TNR: variants seen among roughly 807,000 people sequenced by gnomAD.
TNR encodes tenascin-R.
In TNR, 45 loss-of-function variants were observed where a neutral mutation model predicts 150.4. The observed-to-expected ratio is 0.30, with a 90% CI of 0.24 to 0.38. The LOEUF is 0.38. Among genes scored for constraint, TNR ranks in the 10% least tolerant of loss-of-function variants. The pLI is 1.00. For synonymous variants in TNR, 687 were observed against 678.4 expected (o/e 1.01, Z -0.20); for missense variants, 1,544 against 1,759.1 (o/e 0.88, Z 2.19).
chr1:175,621,836 A>C (rs1558041308), intron 1 of TNR, among the ~76,000 whole-genome samples: 1 of 152,244 alleles, frequency 6.6e-6, no homozygotes, highest in Non-Finnish European at 1.5e-5. Context: ...CTACTTGATT[A>C]TAAGCACCAT....
At chr1:175,678,682 T>C (rs919975079) in intron 1 of TNR, among the ~76,000 whole-genome samples, 9 of 152,026 alleles carry the variant, frequency 5.9e-5, no homozygotes, top group African/African-American at 2.2e-4. Context: ...AAAGACAAAG[T>C]CCAGAGGCAG....
At chr1:175,730,813 G>A (rs1272548928) in intron 1 of TNR, among the ~76,000 whole-genome samples, 2 of 152,104 alleles carry the variant, frequency 1.3e-5, no homozygotes, top group East Asian at 3.8e-4. Flanking sequence ...TACTATGGTG[G>A]GCTTCTCTGT....
At chr1:175,647,205 A>C (rs1476917260) in intron 1 of TNR, among the ~76,000 whole-genome samples, 1 of 151,780 alleles carries the variant, frequency 6.6e-6, no homozygotes, top group Admixed American at 6.5e-5. Context: ...AATATTTGGC[A>C]TATGCAAAAA....
chr1:175,331,045 C>CTTTCT (rs1553203275), intron 20 of TNR, among the ~76,000 whole-genome samples: 18 of 89,406 alleles, frequency 2.0e-4, no homozygotes, highest in African/African-American at 6.6e-4. Flanking sequence ...TTCTTTCTTT[C>CTTTCT]TTTCTTTCTT....
At chr1:175,623,420 T>A (rs549830624) in intron 1 of TNR, among the ~76,000 whole-genome samples, 1 of 152,342 alleles carries the variant, frequency 6.6e-6, no homozygotes, top group Admixed American at 6.5e-5. Flanking sequence ...ATGCTGTGAA[T>A]CAGCCCTCTT....
At chr1:175,406,909 G>T in intron 2 of TNR, 132 bp from the exon 3 acceptor site, 1 of 652,308 alleles carries the variant, frequency 1.5e-6, no homozygotes, top group Non-Finnish European at 2.6e-6. Flanking sequence ...AAGGGACAGT[G>T]GCTGCCAATG....
Position 175,403,057 on chromosome 1 carries a change from C to T in TNR, c.976+83G>A, listed in dbSNP as rs1434791597. 4 of 1,210,674 alleles carry T rather than the reference C, an allele frequency of 3.3e-6. No individual in the cohort carries two copies. In the African/African-American group the frequency reaches 6.1e-5, roughly 18 times the overall value. 75.0% of individuals were successfully genotyped at this position (1,210,674 alleles called of 1,614,324 possible). A position where few individuals can be genotyped will look rare whatever the true frequency, so the allele number is the denominator to read the frequency against. ...GCCTAAACTTCACTTTCTCACTCAT[C>T]TTTCTTCCCAAGCTAACTGGAGGCA... On this transcript the variant is annotated intron_variant, in intron 4 of 22. Transcript: ENST00000367674.
intron 2 of TNR, among the ~76,000 whole-genome samples, chr1:175,418,290 G>A (rs1654593286): frequency 6.6e-6 from 1 of 152,166 alleles, no homozygotes; most frequent in South Asian, 2.1e-4. Context: ...CATACCAGAG[G>A]TATGGGAACT....
At position 175,518,073 on chromosome 1, in the gene TNR, CTTCA is replaced by C. The variant is rs375399122; in HGVS notation, c.-64+10192_-64+10195del. ...AAATAAATAAATAAATAAATATCCC[CTTCA>C]TTCATTCACTTCTTCTGAAAACTCA... is the stretch of plus-strand genomic sequence containing the variant. On this transcript the variant is annotated intron_variant, in intron 2 of 22. Coordinates refer to ENST00000367674, the MANE Select transcript of TNR (RefSeq NM_003285.3). Among the ~76,000 whole-genome samples, 1,017 of 152,102 alleles carry C rather than the reference CTTCA, an allele frequency of 6.7e-3. 7 individuals are homozygous for C. Among genetic ancestry groups the C allele is most frequent in the African/African-American group, 0.022 (913 of 41,512 alleles).
At chr1:175,738,000 G>A (rs59201949) in intron 1 of TNR, among the ~76,000 whole-genome samples, 3,393 of 152,250 alleles carry the variant, frequency 0.022, 123 homozygotes, top group African/African-American at 0.076. Context: ...ACTTTGTTTA[G>A]CATCCATGCT....
At chr1:175,491,324 T>C (rs1571514508) in intron 2 of TNR, among the ~76,000 whole-genome samples, 1 of 152,128 alleles carries the variant, frequency 6.6e-6, no homozygotes, top group Non-Finnish European at 1.5e-5. Context: ...ATGGCACCTA[T>C]TTACCTATGA....
chr1:175,739,636 G>A (rs1364593957), intron 1 of TNR, among the ~76,000 whole-genome samples: 1 of 152,156 alleles, frequency 6.6e-6, no homozygotes, highest in Non-Finnish European at 1.5e-5. Context: ...GAAGCAGGGT[G>A]AATGGAGACA....
chr1:175,702,355 C>T (rs751628787), intron 1 of TNR, among the ~76,000 whole-genome samples: 4 of 152,164 alleles, frequency 2.6e-5, no homozygotes, highest in Non-Finnish European at 4.4e-5. Context: ...TGGGTTGTCA[C>T]CCAGCCAGGA....
intron 2 of TNR, among the ~76,000 whole-genome samples, chr1:175,477,909 C>T (rs929865292): frequency 6.6e-6 from 1 of 152,144 alleles, no homozygotes; most frequent in East Asian, 1.9e-4. Context: ...TATGGATAGG[C>T]CAGCTAGTGT....
At chr1:175,477,108 T>C (rs1657578396) in intron 2 of TNR, among the ~76,000 whole-genome samples, 1 of 152,110 alleles carries the variant, frequency 6.6e-6, no homozygotes, top group South Asian at 2.1e-4. Context: ...AATGAGATAA[T>C]AACAACCATG....
At chr1:175,683,375 T>C (rs1212439575) in intron 1 of TNR, among the ~76,000 whole-genome samples, 3 of 152,244 alleles carry the variant, frequency 2.0e-5, no homozygotes, top group Non-Finnish European at 2.9e-5. Context: ...TCAAATTTAG[T>C]CTGGATGTGA....
chr1:175,610,257 C>G (rs1260121350), intron 1 of TNR, among the ~76,000 whole-genome samples: 1 of 152,132 alleles, frequency 6.6e-6, no homozygotes, highest in African/African-American at 2.4e-5. Context: ...GAAATAACCC[C>G]CCTCTTTTGT....
intron 1 of TNR, among the ~76,000 whole-genome samples, chr1:175,643,832 T>C (rs1165868857): frequency 3.3e-5 from 5 of 152,180 alleles, no homozygotes; most frequent in Non-Finnish European, 7.3e-5. Context: ...TTTCCAATAG[T>C]TCCAAAGGGG....
chr1:175,567,973 A>T (rs1370044691), intron 1 of TNR, among the ~76,000 whole-genome samples: 16 of 152,230 alleles, frequency 1.1e-4, no homozygotes, highest in Non-Finnish European at 1.5e-5. Context: ...TGTCATCCTT[A>T]TGTCCCTAAA....
Sources: gnomAD v4.1 joint callset for allele counts (sites outside exome capture counted in the v4.1 genomes callset) on GRCh38, gnomAD v4.1.1 for gene constraint, MANE v1.5 for transcripts, NCBI Gene and HGNC (gene_info 2026-07-23, HGNC 2026-07-21) for gene names.